Variants in RAB40C observed in about 807,000 individuals in gnomAD.
The protein encoded by RAB40C is RAB40C, member RAS oncogene family, also known as ras-related protein Rab-40C.
Under a neutral mutation model 28.1 loss-of-function variants are expected in RAB40C, and 8 were observed. The ratio of observed to expected loss-of-function variants is 0.28; its 90% CI spans 0.17 to 0.51. The LOEUF (loss-of-function observed/expected upper bound fraction) is 0.51. Ranked by LOEUF, RAB40C falls within the 20% of genes least tolerant of loss-of-function variation. The pLI is 0.97. For synonymous variants in RAB40C, 201 were observed against 171.7 expected, an observed-to-expected ratio of 1.17 and a Z score of -1.34; for missense variants, 288 against 405.9, an observed-to-expected ratio of 0.71 and a Z score of 2.50.
intron 1 of RAB40C, among the ~76,000 whole-genome samples, chr16:590,867 C>A (rs1039412523): frequency 7.0e-6 from 1 of 143,662 alleles, no homozygotes; most frequent in Non-Finnish European, 1.5e-5. Context: ...TGTCGTGGGC[C>A]GGAGGGAAGG....
At chr16:589,392 C>T (rs1359308678), upstream of RAB40C, 1 of 152,288 alleles carries the variant, frequency 6.6e-6, no homozygotes, top group African/African-American at 2.4e-5. Flanking sequence ...TCCGAGGGTT[C>T]TGCGGAAGCA....
intron 1 of RAB40C, among the ~76,000 whole-genome samples, chr16:605,834 G>A (rs1429337914): frequency 6.6e-6 from 1 of 152,204 alleles, no homozygotes; most frequent in Admixed American, 6.5e-5. Flanking sequence ...TGTAGGGCCT[G>A]TGTAGATGCT....
In RAB40C at chr16:627,624, G is replaced by A. The variant is rs1463438482; in HGVS notation, c.*2G>A. On this transcript the variant is annotated 3_prime_UTR_variant, in exon 6 of 6. Coordinates refer to ENST00000248139, the MANE Select transcript of RAB40C (RefSeq NM_021168.5). ...CGGAGTAACTGCAAGATCTCCTAGC[G>A]GGGATGGGCGGGGCCGCCTGTGCAG... 1.3e-5 allele frequency: 21 copies of A among 1,569,652 alleles called. No homozygotes were observed. The highest frequency in any genetic ancestry group is 9.0e-5 in the East Asian group (4 of 44,498).
chr16:625,824 G>T, intron 4 of RAB40C, 75 bp from the exon 5 acceptor site: 1 of 1,376,428 alleles, frequency 7.3e-7, no homozygotes, highest in South Asian at 1.3e-5. Context: ...TCCAGACAAT[G>T]AGGGCGGGCC....
Position 610,407 on chromosome 16 carries a change from G to A in RAB40C, c.143-6801G>A, listed in dbSNP as rs1447029249. Among the ~76,000 whole-genome samples, 1 of 152,152 alleles carries A rather than the reference G, an allele frequency of 6.6e-6. No individual in the cohort carries two copies. The highest frequency in any genetic ancestry group is 1.5e-5 in the Non-Finnish European group (1 of 68,034). On this transcript the variant is annotated intron_variant, in intron 1 of 5. Transcript: ENST00000248139. The surrounding 1 kb of genome is among the most constrained non-coding windows in gnomAD (Gnocchi z 4.6). ...CCTGTGGCACCCAGCAGATGAGGAG[G>A]AGAGCAGGGGGAAGGGTGGCAGGAG... is the stretch of plus-strand genomic sequence containing the variant.
At chr16:626,873 G>A (rs1293021608) in intron 5 of RAB40C, among the ~76,000 whole-genome samples, 1 of 152,264 alleles carries the variant, frequency 6.6e-6, no homozygotes, top group African/African-American at 2.4e-5. Context: ...AGGAGGCGGA[G>A]GTTGCAGTGA....
intron 3 of RAB40C, among the ~76,000 whole-genome samples, chr16:621,421 G>A (rs1328096953): frequency 6.6e-6 from 1 of 152,260 alleles, no homozygotes; most frequent in Non-Finnish European, 1.5e-5. Context: ...CCGTTAGAGA[G>A]TGGAGAGGCC....
intron 1 of RAB40C, among the ~76,000 whole-genome samples, chr16:609,333 G>C (rs539830698): frequency 3.3e-5 from 5 of 152,276 alleles, no homozygotes; most frequent in African/African-American, 1.2e-4. Flanking sequence ...CACCACTGGG[G>C]ATGGTGGGGG....
At chr16:597,413 G>A (rs1040211791) in intron 1 of RAB40C, among the ~76,000 whole-genome samples, 2 of 152,056 alleles carry the variant, frequency 1.3e-5, no homozygotes, top group Non-Finnish European at 1.5e-5. Context: ...GGTCCTGGCT[G>A]TGTAAACTGA....
In RAB40C at chr16:614,555, C is replaced by T. The variant is rs552611301; in HGVS notation, c.143-2653C>T. Reference sequence around the variant, plus strand: ...ATGGTGAACTGCCTAAACCTCGTCCCGATGGTGAACTGCCTAACTCTACCG... The same window carrying T: ...ATGGTGAACTGCCTAAACCTCGTCCTGATGGTGAACTGCCTAACTCTACCG... On this transcript the variant is annotated intron_variant, in intron 1 of 5. Coordinates refer to ENST00000248139, the MANE Select transcript of RAB40C (RefSeq NM_021168.5). 3.7e-3 allele frequency among the ~76,000 whole-genome samples: 447 copies of T among 120,594 alleles called. 1 individual carries two copies. Among genetic ancestry groups the T allele is most frequent in the African/African-American group, 0.014 (415 of 30,402 alleles). The allele number at this position is 120,594 out of a possible 152,430, so 79.1% of individuals were successfully genotyped here.
At chr16:627,261 T>G in intron 5 of RAB40C, 81 bp from the exon 6 acceptor site, 1 of 1,410,020 alleles carries the variant, frequency 7.1e-7, no homozygotes, top group Non-Finnish European at 9.8e-7. Context: ...CCCGCCAGGC[T>G]TCTCTTGGGC....
rs952350875 is a variant in RAB40C, at chr16:625,651, G to A, written c.342+142G>A. On this transcript the variant is annotated intron_variant, in intron 4 of 5. Transcript: ENST00000248139. Reference sequence around the variant, plus strand: ...CTGCACTGTCCCACGGCCTACGCCTGGGCATGCTGGTCACTGTGCACACGA... The same window carrying A: ...CTGCACTGTCCCACGGCCTACGCCTAGGCATGCTGGTCACTGTGCACACGA... The A allele has an allele frequency of 1.7e-5, 16 of 949,988 alleles. No homozygotes were observed. The South Asian group carries it at 2.3e-4, about 13-fold the overall frequency. The allele number at this position is 949,988 out of a possible 1,614,324, so 58.8% of individuals were successfully genotyped here.
intron 1 of RAB40C, among the ~76,000 whole-genome samples, chr16:607,605 C>A (rs909372613): frequency 2.0e-5 from 3 of 151,314 alleles, no homozygotes; most frequent in Non-Finnish European, 4.4e-5. Context: ...AGATGGAGAC[C>A]ACGGTGAAAC....
rs186596094 is a variant in RAB40C at position 615,957 on chromosome 16, A to G, written c.143-1251A>G. Among the ~76,000 whole-genome samples the G allele has an allele frequency of 1.7e-3, 258 of 151,432 alleles. 1 individual carries two copies. The highest frequency in any genetic ancestry group is 5.9e-3 in the African/African-American group (245 of 41,192). ...AGCCTGGGCGACAGAGTGAGACTCC[A>G]TCTCAAAAAAGAAAAAAAGGCCGGG... is the stretch of plus-strand genomic sequence containing the variant. On this transcript the variant is annotated intron_variant, in intron 1 of 5. Transcript: ENST00000248139.
At position 617,743 on chromosome 16, in the gene RAB40C, T is replaced by C. The variant is rs2036617316; in HGVS notation, c.204-457T>C. Among the ~76,000 whole-genome samples, 2 of 151,970 alleles carry C rather than the reference T, an allele frequency of 1.3e-5. 1 individual carries two copies. Among genetic ancestry groups the C allele is most frequent in the South Asian group, 4.1e-4 (2 of 4,822 alleles). On this transcript the variant is annotated intron_variant, in intron 2 of 5. Coordinates refer to ENST00000248139, the MANE Select transcript of RAB40C (RefSeq NM_021168.5). ...CTGTAGTCCCAGCCACTCAGGAGGC[T>C]GAGGCAGTAGAATCACTTGAACCCG...
intron 1 of RAB40C, among the ~76,000 whole-genome samples, chr16:608,056 T>C (rs2036401172): frequency 6.6e-6 from 1 of 152,164 alleles, no homozygotes. Context: ...TACTCACCTG[T>C]TCTCACGCTG....
At chr16:597,921 T>A (rs2151061244) in intron 1 of RAB40C, among the ~76,000 whole-genome samples, 1 of 109,924 alleles carries the variant, frequency 9.1e-6, no homozygotes, top group African/African-American at 3.7e-5. Flanking sequence ...GGCAACACAG[T>A]GAGACCCCAT....
At chr16:604,716 T>C (rs1178012972) in intron 1 of RAB40C, among the ~76,000 whole-genome samples, 2 of 152,194 alleles carry the variant, frequency 1.3e-5, no homozygotes, top group Non-Finnish European at 2.9e-5. Context: ...TTTATAAGCT[T>C]GCCCAGCCTG....
In RAB40C at chr16:610,023, C is replaced by T. The variant is rs1382408352; in HGVS notation, c.143-7185C>T. ...CACGGGAGGGTGGGGATGTGAACGG[C>T]ACCAGCCTGGTGGCTCGGGTGCCAG... On this transcript the variant is annotated intron_variant, in intron 1 of 5. Coordinates refer to ENST00000248139, the MANE Select transcript of RAB40C (RefSeq NM_021168.5). This position sits in a 1 kb window ranked among gnomAD's most constrained non-coding sequence, Gnocchi z 4.6. 6.6e-6 allele frequency among the ~76,000 whole-genome samples: 1 copy of T among 152,224 alleles called. No homozygotes were observed. Among genetic ancestry groups the T allele is most frequent in the Non-Finnish European group, 1.5e-5 (1 of 68,038 alleles).
Sources: allele counts gnomAD v4.1 joint callset (sites outside exome capture counted in the v4.1 genomes callset), GRCh38; gene constraint gnomAD v4.1.1; non-coding constraint Gnocchi (gnomAD v3.1); transcripts MANE v1.5; gene names NCBI Gene and HGNC (gene_info 2026-07-23, HGNC 2026-07-21).